The following KLF12 variants were observed in gnomAD, a reference collection of about 807,000 sequenced individuals.
The protein encoded by KLF12 is KLF transcription factor 12, also known as Krueppel-like factor 12.
Under a neutral mutation model 37.8 loss-of-function variants are expected in KLF12, and 9 were observed. That is an observed-to-expected ratio of 0.24 (90% confidence interval 0.14 to 0.42). The LOEUF is 0.42. Among genes scored for constraint, KLF12 ranks in the 10% least tolerant of loss-of-function variants. KLF12 has a pLI of 1.00. For synonymous variants in KLF12, 208 were observed against 202.1 expected (o/e 1.03, Z -0.25); for missense variants, 411 against 516.0 (o/e 0.80, Z 1.97).
chr13:74,267,005 A>G, the KLF12 span, among the ~76,000 whole-genome samples: 2 of 152,202 alleles, frequency 1.3e-5, no homozygotes, highest in African/African-American at 4.8e-5. Context: ...ATGCTTATCA[A>G]GAGTCTCTTA....
At chr13:73,844,127 T>TA (rs1290378390) in intron 4 of KLF12, among the ~76,000 whole-genome samples, 1 of 152,136 alleles carries the variant, frequency 6.6e-6, no homozygotes, top group Non-Finnish European at 1.5e-5. Context: ...AAATAATTTT[T>TA]ATCTTATTTT....
intron 1 of KLF12, among the ~76,000 whole-genome samples, chr13:74,079,619 T>G (rs1382203589): frequency 6.6e-6 from 1 of 152,200 alleles, no homozygotes; most frequent in Non-Finnish European, 1.5e-5. Context: ...ACAAAAAGTC[T>G]TGCTGAGATA....
intron 5 of KLF12, among the ~76,000 whole-genome samples, chr13:73,791,247 G>A (rs924896843): frequency 6.6e-6 from 1 of 152,156 alleles, no homozygotes. Flanking sequence ...GTATATTCAT[G>A]TGCCTATTCA....
At chr13:73,844,694 G>A (rs1326251942) in intron 4 of KLF12, 1 of 152,128 alleles carries the variant, frequency 6.6e-6, no homozygotes, top group African/African-American at 2.4e-5. Context: ...TCAATCAAAT[G>A]TATTTATTCC....
chr13:74,072,269 G>T (rs1165158305), intron 1 of KLF12, among the ~76,000 whole-genome samples: 11 of 148,372 alleles, frequency 7.4e-5, no homozygotes. Flanking sequence ...TCATTAAAAA[G>T]AAATATGAAA....
At position 73,837,652 on chromosome 13, in the gene KLF12, A is replaced by T. The variant is rs577658850; in HGVS notation, c.670+8175T>A. Among the ~76,000 whole-genome samples, 4 of 152,342 alleles carry T rather than the reference A, an allele frequency of 2.6e-5. No individual in the cohort carries two copies. The East Asian group carries it at 7.7e-4, about 29-fold the overall frequency. Reference sequence around the variant, plus strand: ...AAGAGTGAAACACTCAAGTCTTATCAAAGCCTATATTTAATAAACATAAAC... The same window carrying T: ...AAGAGTGAAACACTCAAGTCTTATCTAAGCCTATATTTAATAAACATAAAC... On this transcript the variant is annotated intron_variant, in intron 4 of 7. Transcript: ENST00000377669.
chr13:73,920,774 G>GA (rs1198721690), intron 3 of KLF12, among the ~76,000 whole-genome samples: 1 of 152,072 alleles, frequency 6.6e-6, no homozygotes, highest in Non-Finnish European at 1.5e-5. Flanking sequence ...TTGGGGTTCA[G>GA]AAAATAATAC....
intron 1 of KLF12, among the ~76,000 whole-genome samples, chr13:74,105,276 GC>G (rs1480454176): frequency 6.6e-6 from 1 of 152,056 alleles, no homozygotes; most frequent in African/African-American, 2.4e-5. Context: ...GTATTTTCTA[GC>G]AATACAAATA....
intron 2 of KLF12, among the ~76,000 whole-genome samples, chr13:73,947,397 T>C (rs1890474393): frequency 1.3e-5 from 2 of 152,164 alleles, no homozygotes; most frequent in African/African-American, 4.8e-5. Context: ...ACTCTTGTAA[T>C]CACAACACTT....
intron 2 of KLF12, among the ~76,000 whole-genome samples, chr13:73,958,582 C>G (rs1890922364): frequency 6.6e-6 from 1 of 151,872 alleles, no homozygotes; most frequent in Non-Finnish European, 1.5e-5. Flanking sequence ...TACTAGAAAA[C>G]AAAAATCATA....
intron 5 of KLF12, among the ~76,000 whole-genome samples, chr13:73,782,118 TC>T (rs1881002624): frequency 6.6e-6 from 1 of 152,230 alleles, no homozygotes; most frequent in Non-Finnish European, 1.5e-5. Context: ...GAGTCTAGAC[TC>T]TAGACCAGAC....
At chr13:73,722,975 T>C (rs1400075837) in intron 6 of KLF12, among the ~76,000 whole-genome samples, 1 of 152,206 alleles carries the variant, frequency 6.6e-6, no homozygotes, top group Admixed American at 6.5e-5. Flanking sequence ...CCACTAAGTA[T>C]TTTTCCACAT....
intron 1 of KLF12, among the ~76,000 whole-genome samples, chr13:74,041,889 CA>C (rs1200291595): frequency 6.6e-6 from 1 of 152,064 alleles, no homozygotes; most frequent in Non-Finnish European, 1.5e-5. Flanking sequence ...ATTTCATCTA[CA>C]AAATGAAGAT....
chr13:73,706,067 A>G (rs1397508220), intron 7 of KLF12, among the ~76,000 whole-genome samples: 4 of 152,110 alleles, frequency 2.6e-5, no homozygotes, highest in Non-Finnish European at 5.9e-5. Context: ...CAGGAGAATC[A>G]CTTGAACCTG....
intron 1 of KLF12, among the ~76,000 whole-genome samples, chr13:74,073,932 T>A (rs1874419479): frequency 6.6e-6 from 1 of 152,236 alleles, no homozygotes; most frequent in Admixed American, 6.5e-5. Flanking sequence ...AATGCCTTGT[T>A]AATAAGCTTT....
the KLF12 span, among the ~76,000 whole-genome samples, chr13:74,205,014 A>G: frequency 6.6e-6 from 1 of 152,228 alleles, no homozygotes; most frequent in East Asian, 1.9e-4. Context: ...TTATTTTCCC[A>G]TTTACTCTTT....
intron 1 of KLF12, among the ~76,000 whole-genome samples, chr13:74,014,972 T>C (rs1892649762): frequency 6.6e-6 from 1 of 152,172 alleles, no homozygotes; most frequent in South Asian, 2.1e-4. Flanking sequence ...ATCCAAGGAT[T>C]GTGAATCCAA....
intron 1 of KLF12, among the ~76,000 whole-genome samples, chr13:74,121,183 T>C (rs879625781): frequency 7.2e-5 from 11 of 152,018 alleles, no homozygotes; most frequent in Non-Finnish European, 1.3e-4. Context: ...GAAAAGAGAA[T>C]TACAGAAATT....
At chr13:73,964,787 G>A (rs1006153951) in intron 2 of KLF12, among the ~76,000 whole-genome samples, 2 of 152,038 alleles carry the variant, frequency 1.3e-5, no homozygotes, top group African/African-American at 2.4e-5. Context: ...TTCGAGACTG[G>A]CGTGGGTAAC....
Sources: gnomAD v4.1 joint callset for allele counts (sites outside exome capture counted in the v4.1 genomes callset) on GRCh38, gnomAD v4.1.1 for gene constraint, MANE v1.5 for transcripts, NCBI Gene and HGNC (gene_info 2026-07-23, HGNC 2026-07-21) for gene names.